PLD5: variants seen among roughly 807,000 people sequenced by gnomAD.
PLD5 encodes phospholipase D family member 5.
Under a neutral mutation model 61.1 loss-of-function variants are expected in PLD5, and 36 were observed. The ratio of observed to expected loss-of-function variants is 0.59; its 90% CI spans 0.45 to 0.78. PLD5 has a LOEUF of 0.78. Among genes scored for constraint, PLD5 ranks in the 30% least tolerant of loss-of-function variants. PLD5 has a pLI of 0.00. For missense variants in PLD5, 515 were observed against 644.4 expected, an observed-to-expected ratio of 0.80 and a Z score of 2.17; for synonymous variants, 243 against 242.8, an observed-to-expected ratio of 1.00 and a Z score of -0.01.
At chr1:242,514,326 C>G (rs1425035199) in intron 1 of PLD5, among the ~76,000 whole-genome samples, 2 of 152,366 alleles carry the variant, frequency 1.3e-5, no homozygotes, top group Admixed American at 6.5e-5. Context: ...ACTGGCAGCT[C>G]TTCCTCCAGG....
At chr1:242,410,718 G>T (rs561710058) in intron 1 of PLD5, among the ~76,000 whole-genome samples, 2 of 152,016 alleles carry the variant, frequency 1.3e-5, no homozygotes, top group African/African-American at 4.8e-5. Context: ...TGAGCATGTG[G>T]GAGTTATTTA....
At chr1:242,230,439 A>C (rs2149034824) in intron 4 of PLD5, among the ~76,000 whole-genome samples, 1 of 152,330 alleles carries the variant, frequency 6.6e-6, no homozygotes, top group Non-Finnish European at 1.5e-5. Context: ...TTTGCAGCAG[A>C]AATTTATCTT....
intron 4 of PLD5, among the ~76,000 whole-genome samples, chr1:242,236,966 T>C (rs930805929): frequency 6.6e-6 from 1 of 152,154 alleles, no homozygotes; most frequent in Non-Finnish European, 1.5e-5. Context: ...AATTCCCCAA[T>C]TAAAAATAAA....
intron 1 of PLD5, among the ~76,000 whole-genome samples, chr1:242,383,487 G>T (rs1276185122): frequency 6.6e-6 from 1 of 150,592 alleles, no homozygotes; most frequent in Non-Finnish European, 1.5e-5. Flanking sequence ...CTTCTGCTTG[G>T]ACCATGCTTT....
chr1:242,511,782 T>C (rs1352295635), intron 1 of PLD5, among the ~76,000 whole-genome samples: 1 of 152,154 alleles, frequency 6.6e-6, no homozygotes, highest in Admixed American at 6.5e-5. Flanking sequence ...AAAAGGGACA[T>C]TAATTTAAAA....
intron 1 of PLD5, chr1:242,365,432 C>T (rs1661287961): frequency 6.1e-6 from 1 of 165,038 alleles, no homozygotes; most frequent in South Asian, 1.7e-4. Context: ...GGATATCCCA[C>T]ACATGGACAT....
At chr1:242,163,362 C>T (rs1201827271) in intron 5 of PLD5, among the ~76,000 whole-genome samples, 1 of 152,004 alleles carries the variant, frequency 6.6e-6, no homozygotes, top group East Asian at 1.9e-4. Flanking sequence ...CCAGGATGGT[C>T]TCCATCTCCT....
chr1:242,110,368 A>C (rs1022421132), intron 7 of PLD5, among the ~76,000 whole-genome samples: 2 of 152,134 alleles, frequency 1.3e-5, no homozygotes, highest in Non-Finnish European at 2.9e-5. Context: ...AGGTACATTC[A>C]AGTGATTCTC....
chr1:242,339,905 G>C (rs1381870543), intron 2 of PLD5, among the ~76,000 whole-genome samples: 3 of 152,194 alleles, frequency 2.0e-5, no homozygotes, highest in African/African-American at 7.2e-5. Context: ...AACTGGAAAA[G>C]AGAGGGAGCC....
At chr1:242,205,633 T>G (rs1669272252) in intron 5 of PLD5, among the ~76,000 whole-genome samples, 1 of 152,226 alleles carries the variant, frequency 6.6e-6, no homozygotes, top group Non-Finnish European at 1.5e-5. Context: ...TGAAGTTGAA[T>G]TGCTTTTTAC....
In PLD5 at chr1:242,100,245, G is replaced by T. The variant is rs545136820; in HGVS notation, c.1354+423C>A. 2.6e-5 allele frequency among the ~76,000 whole-genome samples: 4 copies of T among 152,236 alleles called. No individual in the cohort carries two copies. The East Asian group carries it at 5.8e-4, about 22-fold the overall frequency. The stretch of plus-strand genomic sequence containing the variant: ...GATAGCAGGGATGGGATAATTGGCT[G>T]GGAATTGGGAGTTTCGGCACTGAAC... On this transcript the variant is annotated intron_variant, in intron 9 of 9. Transcript: ENST00000536534.
chr1:242,190,808 A>C (rs1668226473), intron 5 of PLD5, among the ~76,000 whole-genome samples: 2 of 152,332 alleles, frequency 1.3e-5, no homozygotes, highest in South Asian at 2.1e-4. Flanking sequence ...AGGAAGCTTT[A>C]GTCCAAGGAA....
intron 3 of PLD5, among the ~76,000 whole-genome samples, chr1:242,270,808 T>C: frequency 6.6e-6 from 1 of 152,196 alleles, no homozygotes; most frequent in Non-Finnish European, 1.5e-5. Flanking sequence ...GTTGCCCCAG[T>C]GGGGAACTAG....
chr1:242,247,144 C>G lies in PLD5; in HGVS notation c.607+18193G>C, dbSNP rs376692401. 2.6e-5 allele frequency among the ~76,000 whole-genome samples: 4 copies of G among 151,984 alleles called. No homozygotes were observed. The East Asian group carries it at 7.8e-4, about 29-fold the overall frequency. ...GACTACAGGCGCCCGCCACCATGCC[C>G]GGCTAATTTTTGTATTTTTAGTAGA... is the stretch of plus-strand genomic sequence containing the variant. On this transcript the variant is annotated intron_variant, in intron 4 of 9. Coordinates refer to ENST00000536534, the MANE Select transcript of PLD5 (RefSeq NM_001372062.1).
At chr1:242,189,330 C>T (rs901595165) in intron 5 of PLD5, among the ~76,000 whole-genome samples, 1 of 151,160 alleles carries the variant, frequency 6.6e-6, no homozygotes, top group African/African-American at 2.4e-5. Flanking sequence ...CCTGTAATCC[C>T]AGTTATTGGG....
At chr1:242,240,498 T>A (rs402159) in intron 4 of PLD5, among the ~76,000 whole-genome samples, 20,766 of 152,176 alleles carry the variant, frequency 0.14, 2,453 homozygotes, top group African/African-American at 0.32. Flanking sequence ...GATGCTTTAT[T>A]AGTAATTTTG....
intron 3 of PLD5, among the ~76,000 whole-genome samples, chr1:242,283,313 G>C (rs951156808): frequency 1.3e-5 from 2 of 152,150 alleles, no homozygotes; most frequent in Non-Finnish European, 2.9e-5. Context: ...TACTCTTCCA[G>C]AGACCAGACC....
At chr1:242,267,888 T>TAAAAA (rs552931193) in intron 3 of PLD5, among the ~76,000 whole-genome samples, 5 of 109,684 alleles carry the variant, frequency 4.6e-5, no homozygotes, top group African/African-American at 1.3e-4. Flanking sequence ...CTCCAAAAAT[T>TAAAAA]AAAAAAAAAA....
rs192687840 is a variant in PLD5 at position 242,213,697 on chromosome 1, G to A, written c.735+6291C>T. ...GGATTCTCCCAGAGAGTTAACCCCC[G>A]CAGCAAAAAGGGAAATTGAGAAAAT... On this transcript the variant is annotated intron_variant, in intron 5 of 9. Transcript: ENST00000536534. Among the ~76,000 whole-genome samples the A allele has an allele frequency of 1.5e-3, 228 of 150,914 alleles. 2 individuals are homozygous for A. The highest frequency in any genetic ancestry group is 1.4e-3 in the Non-Finnish European group (97 of 67,798).
Sources: gnomAD v4.1 joint callset for allele counts (sites outside exome capture counted in the v4.1 genomes callset) on GRCh38, gnomAD v4.1.1 for gene constraint, MANE v1.5 for transcripts, NCBI Gene and HGNC (gene_info 2026-07-23, HGNC 2026-07-21) for gene names.